MME: variants seen among roughly 807,000 people sequenced by gnomAD.
MME encodes neprilysin.
Under a neutral mutation model 113.2 loss-of-function variants are expected in MME, and 98 were observed. That is an observed-to-expected ratio of 0.87 (90% CI 0.74 to 1.02). MME has a LOEUF of 1.02. MME is among the 50% of genes least tolerant of loss of function. The pLI is 0.00. For synonymous variants in MME, 292 were observed against 300.6 expected (o/e 0.97, Z 0.30); for missense variants, 836 against 896.0 (o/e 0.93, Z 0.86).
intron 3 of MME, among the ~76,000 whole-genome samples, chr3:155,113,998 A>G (rs1718396470): frequency 6.6e-6 from 1 of 152,202 alleles, no homozygotes; most frequent in East Asian, 1.9e-4. Context: ...TGTTTACCAT[A>G]CCAAGTTTAA....
rs977678469 is a variant in MME at position 155,181,427 on chromosome 3, T to C, written c.*968T>C. 1 of 152,132 alleles carries C rather than the reference T, an allele frequency of 6.6e-6. No individual in the cohort carries two copies. The highest frequency in any genetic ancestry group is 2.1e-4 in the South Asian group (1 of 4,828). The allele number at this position is 152,132 out of a possible 1,614,324, so 9.4% of individuals were successfully genotyped here. ...CATTGGACAGTTGTCTAGAGATATA[T>C]ATACTTGTGGTTTTCAAATTGGACT... is the stretch of plus-strand genomic sequence containing the variant. On this transcript the variant is annotated 3_prime_UTR_variant, in exon 23 of 23. Coordinates refer to ENST00000360490, the MANE Select transcript of MME (RefSeq NM_007289.4).
rs73875847 is a variant in MME, at chr3:155,176,118, G to A, written c.2153+3506G>A. 5.8e-3 allele frequency among the ~76,000 whole-genome samples: 890 copies of A among 152,236 alleles called. 8 individuals carry two copies. Among genetic ancestry groups the A allele is most frequent in the African/African-American group, 0.021 (857 of 41,542 alleles). On this transcript the variant is annotated intron_variant, in intron 22 of 22. Coordinates refer to ENST00000360490, the MANE Select transcript of MME (RefSeq NM_007289.4). ...TGAAGGCAGTTAACTATGTAGCCAAGTCATTCATTTACAAGAATTAACAAA... is the reference window on the plus strand; with the variant it reads ...TGAAGGCAGTTAACTATGTAGCCAAATCATTCATTTACAAGAATTAACAAA...
intron 3 of MME, among the ~76,000 whole-genome samples, chr3:155,099,311 G>C (rs1576581840): frequency 6.6e-6 from 1 of 152,132 alleles, no homozygotes; most frequent in Non-Finnish European, 1.5e-5. Flanking sequence ...CACTATCCTA[G>C]ATAAAAACTC....
At chr3:155,168,271 T>G (rs778706317) in intron 18 of MME, among the ~76,000 whole-genome samples, 1 of 152,118 alleles carries the variant, frequency 6.6e-6, no homozygotes, top group Non-Finnish European at 1.5e-5. Flanking sequence ...GCCAAATGGG[T>G]GAAATGTCTG....
intron 1 of MME, among the ~76,000 whole-genome samples, chr3:155,082,256 GA>G (rs61761162): frequency 4.3e-4 from 63 of 147,604 alleles, no homozygotes; most frequent in East Asian, 1.8e-3. Flanking sequence ...GAAGAACTAA[GA>G]AAAAAAAAAG....
intron 3 of MME, among the ~76,000 whole-genome samples, chr3:155,091,648 C>T (rs1716306731): frequency 6.6e-6 from 1 of 152,194 alleles, no homozygotes; most frequent in South Asian, 2.1e-4. Flanking sequence ...TACTCATAAG[C>T]AAATCCATGG....
chr3:155,051,585 C>A (rs1713765910), intron 1 of MME, among the ~76,000 whole-genome samples: 1 of 152,128 alleles, frequency 6.6e-6, no homozygotes, highest in Non-Finnish European at 1.5e-5. Flanking sequence ...CCTTATAAAA[C>A]CATCAGATCT....
intron 3 of MME, among the ~76,000 whole-genome samples, chr3:155,093,207 G>C (rs1352209222): frequency 6.6e-6 from 1 of 151,912 alleles, no homozygotes; most frequent in Non-Finnish European, 1.5e-5. Context: ...ATTATATGTA[G>C]TTTTCAATGT....
In MME at chr3:155,143,572, G is replaced by A. The variant is rs776999850; in HGVS notation, c.1317+1G>A. ...ATTTGCTGGAGAGAGTAAACATGTG[G>A]TAATGTTTTCAGAATAATACACTGT... On this transcript the variant is annotated splice_donor_variant, in intron 13 of 22. Coordinates refer to ENST00000360490, the MANE Select transcript of MME (RefSeq NM_007289.4). LOFTEE classifies it high-confidence loss of function. 1.9e-6 allele frequency: 3 copies of A among 1,611,438 alleles called. No homozygotes were observed. The highest frequency in any genetic ancestry group is 8.5e-7 in the Non-Finnish European group (1 of 1,178,030).
intron 3 of MME, 102 bp from the exon 4 acceptor site, chr3:155,114,892 C>T: frequency 8.3e-7 from 1 of 1,201,618 alleles, no homozygotes; most frequent in Non-Finnish European, 1.2e-6. Flanking sequence ...GAGCATCCGA[C>T]AAATTGATGC....
chr3:155,177,036 C>T (rs2108385028), intron 22 of MME, among the ~76,000 whole-genome samples: 1 of 152,210 alleles, frequency 6.6e-6, no homozygotes, highest in African/African-American at 2.4e-5. Context: ...GCGGTGTTAT[C>T]TGAAGACGTT....
intron 1 of MME, among the ~76,000 whole-genome samples, chr3:155,055,212 C>G (rs888445011): frequency 9.2e-5 from 14 of 152,296 alleles, no homozygotes; most frequent in African/African-American, 3.1e-4. Flanking sequence ...CAATGGAATA[C>G]ATACAGTAGT....
At chr3:155,113,246 C>T (rs1462051627) in intron 3 of MME, among the ~76,000 whole-genome samples, 8 of 151,974 alleles carry the variant, frequency 5.3e-5, no homozygotes, top group Admixed American at 2.0e-4. Context: ...TAGGGTGATA[C>T]GTTTATTCTG....
intron 3 of MME, among the ~76,000 whole-genome samples, chr3:155,094,513 T>C (rs1294322683): frequency 2.6e-5 from 4 of 152,088 alleles, no homozygotes; most frequent in African/African-American, 9.7e-5. Context: ...CAAATAAAAA[T>C]CAAATCAAAA....
intron 9 of MME, among the ~76,000 whole-genome samples, chr3:155,138,615 A>G (rs905327840): frequency 6.6e-6 from 1 of 152,202 alleles, no homozygotes; most frequent in African/African-American, 2.4e-5. Context: ...TTTAAAGTTT[A>G]AAGTGATCAC....
intron 17 of MME, among the ~76,000 whole-genome samples, chr3:155,166,688 G>A (rs1723117858): frequency 6.6e-6 from 1 of 152,138 alleles, no homozygotes; most frequent in South Asian, 2.1e-4. Context: ...TTCTATTACA[G>A]AAGGTTTTTG....
At chr3:155,039,196 G>A (rs1272861765) in intron 1 of MME, among the ~76,000 whole-genome samples, 7 of 152,214 alleles carry the variant, frequency 4.6e-5, no homozygotes, top group Admixed American at 2.0e-4. Flanking sequence ...GAATAAGGCA[G>A]AGGATATAGG....
At chr3:155,172,441 C>A in intron 21 of MME, 95 bp from the exon 22 acceptor site, 1 of 1,031,738 alleles carries the variant, frequency 9.7e-7, no homozygotes, top group Non-Finnish European at 1.5e-6. Context: ...TGCAGAATTC[C>A]AATTTAATTT....
In MME at chr3:155,181,189, A is replaced by G. The variant is rs1182653576; in HGVS notation, c.*730A>G. 6.6e-6 allele frequency: 1 copy of G among 151,948 alleles called. No individual in the cohort carries two copies. Among genetic ancestry groups the G allele is most frequent in the African/African-American group, 2.4e-5 (1 of 41,440 alleles). The allele number at this position is 151,948 out of a possible 1,614,324, so 9.4% of individuals were successfully genotyped here. On this transcript the variant is annotated 3_prime_UTR_variant, in exon 23 of 23. Coordinates refer to ENST00000360490, the MANE Select transcript of MME (RefSeq NM_007289.4). ...TGGTATTTTTCAGAGATTTATATAAATGTAAAAATAATAATTTTTATATTT... is the reference window on the plus strand; with the variant it reads ...TGGTATTTTTCAGAGATTTATATAAGTGTAAAAATAATAATTTTTATATTT...
Sources: allele counts gnomAD v4.1 joint callset (sites outside exome capture counted in the v4.1 genomes callset), GRCh38; gene constraint gnomAD v4.1.1; transcripts MANE v1.5; gene names NCBI Gene and HGNC (gene_info 2026-07-23, HGNC 2026-07-21).